BRINP2: variants seen among roughly 807,000 people sequenced by gnomAD.
BRINP2 encodes BMP/retinoic acid inducible neural specific 2, also known as BMP/retinoic acid-inducible neural-specific protein 2.
In BRINP2, 21 loss-of-function variants were observed where a neutral mutation model predicts 69.2. The ratio of observed to expected loss-of-function variants is 0.30; its 90% confidence interval spans 0.22 to 0.44. BRINP2 has a LOEUF of 0.44. Ranked by LOEUF, BRINP2 falls within the 20% of genes least tolerant of loss-of-function variation. The probability of loss-of-function intolerance (pLI) is 1.00; values close to 1 mark genes in which losing one functional copy is unlikely to be tolerated. For synonymous variants in BRINP2, 380 were observed against 394.1 expected (o/e 0.96, Z 0.42); for missense variants, 877 against 986.0 (o/e 0.89, Z 1.48).
intron 4 of BRINP2, among the ~76,000 whole-genome samples, chr1:177,266,359 T>C (rs543428997): frequency 3.3e-5 from 5 of 152,222 alleles, no homozygotes; most frequent in Admixed American, 6.5e-5. Context: ...TTTACTCAAA[T>C]ATGTCATATT....
intron 6 of BRINP2, 110 bp downstream of exon 6, chr1:177,276,544 A>G: frequency 2.1e-6 from 2 of 953,378 alleles, no homozygotes; most frequent in South Asian, 1.6e-5. Flanking sequence ...GGATCCTGAC[A>G]TGACCACTTA....
Position 177,239,296 on chromosome 1 carries a change from G to A in BRINP2, c.269+9151G>A, listed in dbSNP as rs549060255. Among the ~76,000 whole-genome samples, 3 of 152,386 alleles carry A rather than the reference G, an allele frequency of 2.0e-5. 1 individual carries two copies. Among genetic ancestry groups the A allele is most frequent in the African/African-American group, 4.8e-5 (2 of 41,594 alleles). ...GAACCCTGAGTGGGAGGAAGCCACA[G>A]ATGGATCTTCCTGAAACAATGCACC... On this transcript the variant is annotated intron_variant, in intron 2 of 7. Coordinates refer to ENST00000361539, the MANE Select transcript of BRINP2 (RefSeq NM_021165.4).
Position 177,273,568 on chromosome 1 carries a change from T to G in BRINP2, c.750T>G (p.Ser250Arg). 6.2e-7 allele frequency: 1 copy of G among 1,600,438 alleles called. No individual in the cohort carries two copies. The highest frequency in any genetic ancestry group is 1.1e-5 in the South Asian group (1 of 89,292). Reference sequence around the variant, plus strand: ...CAGTCAGTTCTGTCTTGGTACAGAGTCCAGAGAACAAAGTACAGTTACTTG... The same window carrying G: ...CAGTCAGTTCTGTCTTGGTACAGAGGCCAGAGAACAAAGTACAGTTACTTG... The part of the protein sequence containing the change: ...LDSVSSVLVQ[S>R]PENKVQLLGL... Residue 250 changes from serine (S) to arginine (R), a missense_variant, in exon 5 of 8, where the codon AGT becomes AGG. Ser to Arg is a moderately radical substitution (Grantham distance 110). Coordinates refer to ENST00000361539, the MANE Select transcript of BRINP2 (RefSeq NM_021165.4).
rs1651699529 is a variant in BRINP2 at position 177,281,467 on chromosome 1, G to A, written c.2291G>A (p.Arg764Lys). Residue 764 changes from arginine (R) to lysine (K), a missense_variant, in exon 8 of 8, where the codon AGG becomes AAG. Coordinates refer to ENST00000361539, the MANE Select transcript of BRINP2 (RefSeq NM_021165.4). The part of the protein sequence containing the change: ...NEVGRIQSSL[R>K]AFNSKLPNPV... ...GTGGGCAGGATCCAGTCCTCCCTGA[G>A]GGCTTTCAATTCTAAGCTGCCAAAC... The A allele has an allele frequency of 2.5e-6, 4 of 1,613,292 alleles. No homozygotes were observed. Among genetic ancestry groups the A allele is most frequent in the East Asian group, 2.2e-5 (1 of 44,872 alleles).
intron 2 of BRINP2, among the ~76,000 whole-genome samples, chr1:177,242,483 A>G (rs530805646): frequency 7.8e-4 from 119 of 152,128 alleles, no homozygotes; most frequent in African/African-American, 2.4e-3. Flanking sequence ...GTGTCTTTCC[A>G]TAACCCATTC....
At chr1:177,266,665 A>C (rs547489043) in intron 4 of BRINP2, among the ~76,000 whole-genome samples, 5 of 150,032 alleles carry the variant, frequency 3.3e-5, no homozygotes, top group Non-Finnish European at 7.4e-5. Flanking sequence ...GAGGGTGAGG[A>C]AGGAGAATGG....
chr1:177,278,964 G>C (rs1179694949), intron 7 of BRINP2, among the ~76,000 whole-genome samples, 179 bp downstream of exon 7: 3 of 152,136 alleles, frequency 2.0e-5, no homozygotes, highest in Non-Finnish European at 4.4e-5. Context: ...TCTGAAGTGA[G>C]AGAGAGAAAA....
Position 177,171,597 on chromosome 1 carries a change from C to A in BRINP2, c.-212C>A. ...CAAATGAGAAAGAACCACAAGAAAT[C>A]ATGAAGTAAAAACTTTGGAAAGCTG... On this transcript the variant is annotated 5_prime_UTR_variant, in exon 1 of 8. An upstream open reading frame in the 5' UTR gains an earlier in-frame stop. Transcript: ENST00000361539. The A allele has an allele frequency of 6.6e-6, 1 of 152,604 alleles. No individual in the cohort carries two copies. The highest frequency in any genetic ancestry group is 2.0e-4 in the South Asian group (1 of 5,070). 9.5% of individuals were successfully genotyped at this position (152,604 alleles called of 1,614,324 possible).
At chr1:177,174,981 T>C (rs1648044941) in intron 1 of BRINP2, among the ~76,000 whole-genome samples, 1 of 152,158 alleles carries the variant, frequency 6.6e-6, no homozygotes, top group Non-Finnish European at 1.5e-5. Flanking sequence ...AATGAGGATA[T>C]TGGGGGTAAG....
At chr1:177,279,890 C>T (rs1337778037) in intron 7 of BRINP2, among the ~76,000 whole-genome samples, 2 of 152,118 alleles carry the variant, frequency 1.3e-5, no homozygotes, top group South Asian at 2.1e-4. Flanking sequence ...GCAGGGACAT[C>T]AGGAAAGACT....
At chr1:177,267,689 A>G (rs2102355901) in intron 4 of BRINP2, among the ~76,000 whole-genome samples, 1 of 152,346 alleles carries the variant, frequency 6.6e-6, no homozygotes, top group South Asian at 2.1e-4. Context: ...TAATACAAAG[A>G]GTTGGGCTTG....
chr1:177,279,575 C>T (rs760634369), intron 7 of BRINP2, among the ~76,000 whole-genome samples: 1 of 152,108 alleles, frequency 6.6e-6, no homozygotes, highest in Non-Finnish European at 1.5e-5. Context: ...GGCCAGCAAC[C>T]CAGTGGTACA....
At chr1:177,263,138 A>T (rs1651010725) in intron 4 of BRINP2, among the ~76,000 whole-genome samples, 2 of 152,240 alleles carry the variant, frequency 1.3e-5, no homozygotes, top group African/African-American at 2.4e-5. Context: ...GATGCTAGAA[A>T]GTGAAAAGTT....
intron 2 of BRINP2, among the ~76,000 whole-genome samples, chr1:177,235,677 ACCAT>A (rs1650000219): frequency 6.6e-6 from 1 of 152,204 alleles, no homozygotes; most frequent in African/African-American, 2.4e-5. Flanking sequence ...TGGGAGAGGC[ACCAT>A]CTCCAATTAA....
chr1:177,216,096 T>G (rs1215650459), intron 1 of BRINP2, among the ~76,000 whole-genome samples: 1 of 152,070 alleles, frequency 6.6e-6, no homozygotes, highest in Non-Finnish European at 1.5e-5. Flanking sequence ...ATTGGAGAAT[T>G]TAATTCATTT....
chr1:177,255,280 A>G lies in BRINP2; in HGVS notation c.270-639A>G, dbSNP rs1283058112. Among the ~76,000 whole-genome samples the G allele has an allele frequency of 4.6e-5, 7 of 152,376 alleles. No homozygotes were observed. In the Middle Eastern group the frequency reaches 0.017, roughly 370 times the overall value. ...CTAAATTTGTTTTGTTTCAGAACAT[A>G]CAGTTGTCATGAAAATGTTATGTTA... is the stretch of plus-strand genomic sequence containing the variant. On this transcript the variant is annotated intron_variant, in intron 2 of 7. Transcript: ENST00000361539.
chr1:177,265,401 C>A (rs150586290), intron 4 of BRINP2, among the ~76,000 whole-genome samples: 13 of 152,232 alleles, frequency 8.5e-5, no homozygotes, highest in African/African-American at 2.6e-4. Flanking sequence ...GCCCTTTGTC[C>A]CTTCTTCATG....
intron 4 of BRINP2, among the ~76,000 whole-genome samples, chr1:177,258,563 GTT>G (rs972633300): frequency 6.7e-6 from 1 of 149,958 alleles, no homozygotes; most frequent in East Asian, 1.9e-4. Flanking sequence ...CTGTGGTTTT[GTT>G]TTTGTTTTTG....
rs145262169 is a variant in BRINP2 at position 177,207,435 on chromosome 1, T to C, written c.-76-22366T>C. Reference sequence around the variant, plus strand: ...AGTGTTGTCATAGGATGCAGCCATGTAAGGGCGGGCATGTGGAAGTCCTGT... The same window carrying C: ...AGTGTTGTCATAGGATGCAGCCATGCAAGGGCGGGCATGTGGAAGTCCTGT... On this transcript the variant is annotated intron_variant, in intron 1 of 7. Coordinates refer to ENST00000361539, the MANE Select transcript of BRINP2 (RefSeq NM_021165.4). Among the ~76,000 whole-genome samples the C allele has an allele frequency of 1.2e-3, 190 of 152,250 alleles. 1 individual carries two copies. Among genetic ancestry groups the C allele is most frequent in the African/African-American group, 4.4e-3 (182 of 41,554 alleles).
Sources: allele counts gnomAD v4.1 joint callset (sites outside exome capture counted in the v4.1 genomes callset), GRCh38; gene constraint gnomAD v4.1.1; transcripts MANE v1.5; gene names NCBI Gene and HGNC (gene_info 2026-07-23, HGNC 2026-07-21).